The following ZIM2 variants were observed in gnomAD, a reference collection of about 807,000 sequenced individuals.
The protein encoded by ZIM2 is zinc finger imprinted 2.
ZIM2 carries 14 observed loss-of-function variants against 38.6 expected under a neutral mutation model. The ratio of observed to expected loss-of-function variants is 0.36; its 90% CI spans 0.24 to 0.57. ZIM2 has a LOEUF of 0.57. Among genes scored for constraint, ZIM2 ranks in the 20% least tolerant of loss-of-function variants. The pLI, the probability that ZIM2 is intolerant of heterozygous loss-of-function variation, is 0.81. For missense variants in ZIM2, 680 were observed against 695.1 expected, an observed-to-expected ratio of 0.98 and a Z score of 0.24; for synonymous variants, 247 against 245.8, an observed-to-expected ratio of 1.00 and a Z score of -0.04.
intron 10 of ZIM2, among the ~76,000 whole-genome samples, chr19:56,787,333 C>T (rs576794176): frequency 7.9e-5 from 12 of 152,076 alleles, no homozygotes; most frequent in African/African-American, 1.4e-4. Flanking sequence ...TGGAGTGCAG[C>T]GACATGATCT....
chr19:56,833,969 CTTG>C (rs1431809556), intron 2 of ZIM2, among the ~76,000 whole-genome samples: 1 of 152,150 alleles, frequency 6.6e-6, no homozygotes, highest in Admixed American at 6.5e-5. Flanking sequence ...GCAAAATCTC[CTTG>C]TTGTTGTCCA....
chr19:56,816,234 A>G, intron 9 of ZIM2: 1 of 1,614,190 alleles, frequency 6.2e-7, no homozygotes, highest in South Asian at 1.1e-5. Flanking sequence ...GTCTTGTTAT[A>G]GTATGACTCT....
intron 7 of ZIM2, 82 bp from the exon 8 acceptor site, chr19:56,818,784 T>C: frequency 6.7e-7 from 1 of 1,484,502 alleles, no homozygotes; most frequent in Non-Finnish European, 9.4e-7. Context: ...AACATGGGAG[T>C]TACATATATG....
At chr19:56,811,507 C>T in intron 9 of ZIM2, 1 of 983,836 alleles carries the variant, frequency 1.0e-6, no homozygotes, top group Non-Finnish European at 1.2e-6. Flanking sequence ...AACAATCATT[C>T]TCTTGTTTAC....
chr19:56,792,024 G>GTTTTTTTTTTTTTTTTTTT (rs36087082), intron 9 of ZIM2, among the ~76,000 whole-genome samples: 1 of 134,622 alleles, frequency 7.4e-6, no homozygotes, highest in Non-Finnish European at 1.6e-5. Flanking sequence ...AATCCCAGGA[G>GTTTTTTTTTTTTTTTTTTT]TTTTTTTTTT....
chr19:56,816,944 C>G (rs2060035441), intron 9 of ZIM2: 2 of 1,614,094 alleles, frequency 1.2e-6, no homozygotes, highest in Non-Finnish European at 1.7e-6. Context: ...TTCCCTCCAA[C>G]CTGACTTTTC....
rs1030478557 is a variant in ZIM2, at chr19:56,794,728, C to T, written c.491-4777G>A. Among the ~76,000 whole-genome samples the T allele has an allele frequency of 7.2e-5, 11 of 152,286 alleles. 1 individual carries two copies. The highest frequency in any genetic ancestry group is 6.8e-3 in the Middle Eastern group (2 of 294). On this transcript the variant is annotated intron_variant, in intron 9 of 12. Transcript: ENST00000629319. ...GTAATCAGGGCAGTCACAAGAGCCC[C>T]ATTCTCATAAAGCCCACAGGCCTAG...
intron 9 of ZIM2, among the ~76,000 whole-genome samples, chr19:56,792,391 C>T (rs1031120933): frequency 6.6e-6 from 1 of 151,200 alleles, no homozygotes; most frequent in African/African-American, 2.4e-5. Context: ...ATTAGCCAGG[C>T]GTGGTGGTGG....
In ZIM2 at chr19:56,818,581, G is replaced by C. The variant is rs375092734; in HGVS notation, c.397+19C>G. 650 of 1,613,610 alleles carry C rather than the reference G, an allele frequency of 4.0e-4. No homozygotes were observed. The highest frequency in any genetic ancestry group is 5.3e-4 in the Non-Finnish European group (620 of 1,179,718). On this transcript the variant is annotated intron_variant, in intron 8 of 12. Transcript: ENST00000629319. ...TCCAATGACTGGACTGGGAGTGACT[G>C]AGAGAAGCAGCTGCTTACCGAGGGA...
chr19:56,816,863 G>GA (rs2060026425), intron 9 of ZIM2: 1 of 1,613,966 alleles, frequency 6.2e-7, no homozygotes, highest in Admixed American at 1.7e-5. Context: ...CCTCTAGCAT[G>GA]AATCTTCCGA....
chr19:56,792,460 G>A (rs1260575857), intron 9 of ZIM2, among the ~76,000 whole-genome samples: 2 of 149,178 alleles, frequency 1.3e-5, no homozygotes, highest in Non-Finnish European at 3.0e-5. Context: ...GAACCCGGGA[G>A]GTGGAGGTTG....
chr19:56,820,800 G>T (rs141968911), intron 7 of ZIM2, among the ~76,000 whole-genome samples: 95 of 152,332 alleles, frequency 6.2e-4, no homozygotes, highest in African/African-American at 2.3e-3. Context: ...TCAGGGCAGG[G>T]CCCCTCTCTG....
intron 12 of ZIM2, among the ~76,000 whole-genome samples, chr19:56,776,454 G>A (rs2145824128): frequency 6.6e-6 from 1 of 152,308 alleles, no homozygotes; most frequent in East Asian, 1.9e-4. Flanking sequence ...ACAGAATGTG[G>A]CATTTCTTAA....
chr19:56,832,799 A>C (rs1461614272), intron 2 of ZIM2, among the ~76,000 whole-genome samples: 1 of 152,212 alleles, frequency 6.6e-6, no homozygotes, highest in African/African-American at 2.4e-5. Flanking sequence ...CTAGATGTCT[A>C]AACATGAAAC....
intron 9 of ZIM2, chr19:56,812,968 T>G: frequency 8.1e-6 from 8 of 985,816 alleles, no homozygotes; most frequent in Non-Finnish European, 8.4e-6. Flanking sequence ...TTCCAAAGTG[T>G]TGGCGCAGAT....
chr19:56,805,012 A>T (rs1027768844), intron 9 of ZIM2, among the ~76,000 whole-genome samples: 7 of 152,192 alleles, frequency 4.6e-5, no homozygotes, highest in Admixed American at 3.3e-4. Context: ...ATCAGAGTAG[A>T]CTGGAGGGTT....
chr19:56,834,964 C>T (rs908248389), intron 2 of ZIM2, among the ~76,000 whole-genome samples: 1 of 152,176 alleles, frequency 6.6e-6, no homozygotes, highest in African/African-American at 2.4e-5. Flanking sequence ...AACAGACAAC[C>T]TCTAGCTATG....
In ZIM2 at chr19:56,775,513, A is replaced by G. The variant is rs1052958108; in HGVS notation, c.852T>C (p.Asp284=). The part of the protein sequence containing the change: ...TVICQGESHD[D]PLEPHQGNQE... ...GGTTGCCCTGGTGTGGTTCCAATGG[A>G]TCATCATGAGACTCTCCTGCAGAGA... is the stretch of plus-strand genomic sequence containing the variant. Residue 284 remains aspartate (D), a synonymous_variant, in exon 13 of 13, where the codon GAT becomes GAC. Transcript: ENST00000629319. The G allele has an allele frequency of 5.6e-6, 9 of 1,611,578 alleles. No individual in the cohort carries two copies. Among genetic ancestry groups the G allele is most frequent in the Non-Finnish European group, 7.6e-6 (9 of 1,179,026 alleles).
At chr19:56,835,057 C>T (rs2061950914) in intron 2 of ZIM2, among the ~76,000 whole-genome samples, 1 of 152,066 alleles carries the variant, frequency 6.6e-6, no homozygotes, top group African/African-American at 2.4e-5. Flanking sequence ...TGAGGAGTCT[C>T]CCTCCTCAAC....
Sources: gnomAD v4.1 joint callset for allele counts (sites outside exome capture counted in the v4.1 genomes callset) on GRCh38, gnomAD v4.1.1 for gene constraint, MANE v1.5 for transcripts, NCBI Gene and HGNC (gene_info 2026-07-23, HGNC 2026-07-21) for gene names.